PDCL3: variants seen among roughly 807,000 people sequenced by gnomAD.
The protein encoded by PDCL3 is phosducin like 3.
Under a neutral mutation model 26.5 loss-of-function variants are expected in PDCL3, and 22 were observed. That is an observed-to-expected ratio of 0.83 (90% confidence interval 0.59 to 1.19). The LOEUF (loss-of-function observed/expected upper bound fraction) is 1.19, where lower values mean the gene tolerates loss of function less well. PDCL3 is among the 50% of genes most tolerant of loss of function. The pLI, the probability that PDCL3 is intolerant of heterozygous loss-of-function variation, is 0.00. For missense variants in PDCL3, 246 were observed against 294.1 expected, an observed-to-expected ratio of 0.84 and a Z score of 1.20; for synonymous variants, 81 against 104.9, an observed-to-expected ratio of 0.77 and a Z score of 1.39.
intron 2 of PDCL3, 146 bp downstream of exon 2, chr2:100,566,775 A>C: frequency 3.4e-6 from 4 of 1,178,876 alleles, no homozygotes; most frequent in Non-Finnish European, 4.7e-6. Context: ...GGCGTCTCTC[A>C]CCTTCACCTT....
chr2:100,565,151 G>A (rs1022009686), intron 1 of PDCL3, among the ~76,000 whole-genome samples: 2 of 152,090 alleles, frequency 1.3e-5, no homozygotes, highest in Admixed American at 6.6e-5. Context: ...TGTTTTTAGT[G>A]GAGATGGGGT....
chr2:100,573,268 G>A (rs975707768), intron 5 of PDCL3, among the ~76,000 whole-genome samples: 3 of 152,164 alleles, frequency 2.0e-5, no homozygotes, highest in Non-Finnish European at 4.4e-5. Flanking sequence ...CCTCAGCCCA[G>A]AGGCATTCTT....
At chr2:100,563,444 C>G (rs937473781) in intron 1 of PDCL3, 1 of 194,828 alleles carries the variant, frequency 5.1e-6, no homozygotes, top group African/African-American at 2.3e-5. Flanking sequence ...GCGGAGGGTC[C>G]GGCCTGGGGT....
At chr2:100,575,133 G>A (rs899010708) in intron 5 of PDCL3, among the ~76,000 whole-genome samples, 11 of 152,052 alleles carry the variant, frequency 7.2e-5, no homozygotes, top group African/African-American at 2.4e-4. Context: ...CAGTAAAATT[G>A]GTTTTCAGAT....
chr2:100,569,152 AGG>A, intron 3 of PDCL3, 131 bp downstream of exon 3: 1 of 724,044 alleles, frequency 1.4e-6, no homozygotes, highest in Non-Finnish European at 2.3e-6. Flanking sequence ...ACACTTTGGG[AGG>A]CTGAGGCAGG....
intron 5 of PDCL3, among the ~76,000 whole-genome samples, chr2:100,575,280 C>T (rs1675258158): frequency 6.6e-6 from 1 of 152,152 alleles, no homozygotes; most frequent in Non-Finnish European, 1.5e-5. Context: ...GGACTACAGG[C>T]ACCTGCCACC....
chr2:100,573,594 A>T (rs1169735313), intron 5 of PDCL3, among the ~76,000 whole-genome samples: 2 of 151,022 alleles, frequency 1.3e-5, no homozygotes, highest in African/African-American at 2.4e-5. Flanking sequence ...GAATCACTTG[A>T]CCTGGGAGGC....
chr2:100,563,040 T>A lies in PDCL3; in HGVS notation c.-28T>A. The A allele has an allele frequency of 6.3e-7, 1 of 1,598,528 alleles. No homozygotes were observed. The highest frequency in any genetic ancestry group is 8.5e-7 in the Non-Finnish European group (1 of 1,173,100). On this transcript the variant is annotated 5_prime_UTR_variant, in exon 1 of 6. Coordinates refer to ENST00000264254, the MANE Select transcript of PDCL3 (RefSeq NM_024065.5). ...AGGGGCGGGGGCGCTGCGGCACAGC[T>A]GGTTTGAGCAACTGAACTGGAAACA...
chr2:100,570,947 T>A (rs927560466), intron 4 of PDCL3, among the ~76,000 whole-genome samples: 1 of 152,164 alleles, frequency 6.6e-6, no homozygotes, highest in African/African-American at 2.4e-5. Context: ...TGTTCTTCAC[T>A]TTCCCTCAGC....
Position 100,571,801 on chromosome 2 carries a change from A to G in PDCL3, c.577+3A>G, listed in dbSNP as rs778425652. On this transcript the variant is annotated splice_donor_region_variant and intron_variant, in intron 5 of 5. Coordinates refer to ENST00000264254, the MANE Select transcript of PDCL3 (RefSeq NM_024065.5). ...CGGCATGAACCTGACAAGAGATGGT[A>G]AGGGCTCTGGGAGACAGGCGGGGCA... The G allele has an allele frequency of 3.3e-5, 53 of 1,613,230 alleles. No homozygotes were observed. Among genetic ancestry groups the G allele is most frequent in the Non-Finnish European group, 4.4e-5 (52 of 1,179,420 alleles).
chr2:100,565,874 T>C (rs1458331937), intron 1 of PDCL3, among the ~76,000 whole-genome samples: 1 of 152,140 alleles, frequency 6.6e-6, no homozygotes, highest in Non-Finnish European at 1.5e-5. Flanking sequence ...GATACTTCAG[T>C]TTTATCTGTT....
At chr2:100,563,095 G>C in intron 1 of PDCL3, 22 bp downstream of exon 1, 1 of 1,599,282 alleles carries the variant, frequency 6.3e-7, no homozygotes, top group Non-Finnish European at 8.5e-7. Context: ...CGGGTCTCGG[G>C]TCTGGGGGCT....
intron 5 of PDCL3, among the ~76,000 whole-genome samples, chr2:100,575,230 C>G (rs538519623): frequency 6.0e-4 from 91 of 152,252 alleles, no homozygotes; most frequent in Middle Eastern, 3.4e-3. Flanking sequence ...CCGCCTCCCA[C>G]GTTCACACCA....
intron 1 of PDCL3, among the ~76,000 whole-genome samples, chr2:100,565,794 T>G (rs1057107740): frequency 2.6e-5 from 4 of 152,316 alleles, no homozygotes; most frequent in South Asian, 4.1e-4. Context: ...TCTCTTCCTC[T>G]TGTCTGTAAC....
intron 1 of PDCL3, among the ~76,000 whole-genome samples, chr2:100,565,741 A>G (rs946882447): frequency 1.3e-5 from 2 of 152,014 alleles, no homozygotes; most frequent in African/African-American, 4.8e-5. Context: ...CCACAATTTT[A>G]TCTCTCTATG....
At chr2:100,573,024 A>T (rs1187816663) in intron 5 of PDCL3, among the ~76,000 whole-genome samples, 1 of 151,728 alleles carries the variant, frequency 6.6e-6, no homozygotes, top group Non-Finnish European at 1.5e-5. Flanking sequence ...AGCTGGGATT[A>T]CAGGCGCCCA....
At chr2:100,569,456 G>T in intron 3 of PDCL3, 122 bp from the exon 4 acceptor site, 1 of 1,202,482 alleles carries the variant, frequency 8.3e-7, no homozygotes, top group South Asian at 1.9e-5. Context: ...TTAGCAAACT[G>T]ATCTTAGATT....
In PDCL3 at chr2:100,576,507, T is replaced by C; in HGVS notation, c.*11T>C. On this transcript the variant is annotated 3_prime_UTR_variant, in exon 6 of 6. Coordinates refer to ENST00000264254, the MANE Select transcript of PDCL3 (RefSeq NM_024065.5). ...TCCGAGGGTGACTGAGGCTACAGCTTCTATCACATGCCGAACTTTCTTGTG... is the reference window on the plus strand; with the variant it reads ...TCCGAGGGTGACTGAGGCTACAGCTCCTATCACATGCCGAACTTTCTTGTG... The C allele has an allele frequency of 6.4e-7, 1 of 1,567,166 alleles. No homozygotes were observed. Among genetic ancestry groups the C allele is most frequent in the Non-Finnish European group, 8.7e-7 (1 of 1,155,244 alleles).
intron 1 of PDCL3, among the ~76,000 whole-genome samples, chr2:100,563,694 G>A (rs1330229884): frequency 6.6e-6 from 1 of 151,426 alleles, no homozygotes; most frequent in Non-Finnish European, 1.5e-5. Flanking sequence ...GCGGAATTTG[G>A]TTAAAGCCTA....
Sources: allele counts gnomAD v4.1 joint callset (sites outside exome capture counted in the v4.1 genomes callset), GRCh38; gene constraint gnomAD v4.1.1; transcripts MANE v1.5; gene names NCBI Gene and HGNC (gene_info 2026-07-23, HGNC 2026-07-21).